The following PLCL1 variants were observed in gnomAD, a reference collection of about 807,000 sequenced individuals.
The protein encoded by PLCL1 is phospholipase C like 1 (inactive).
Under a neutral mutation model 84.4 loss-of-function variants are expected in PLCL1, and 41 were observed. That is an observed-to-expected ratio of 0.49 (90% confidence interval 0.38 to 0.63). The LOEUF (loss-of-function observed/expected upper bound fraction) is 0.63, where lower values mean the gene tolerates loss of function less well. PLCL1 is among the 30% of genes least tolerant of loss of function. The pLI, the probability that PLCL1 is intolerant of heterozygous loss-of-function variation, is 0.00. For synonymous variants in PLCL1, 490 were observed against 488.3 expected, an observed-to-expected ratio of 1.00 and a Z score of -0.05; for missense variants, 1,206 against 1,367.8, an observed-to-expected ratio of 0.88 and a Z score of 1.87.
At chr2:197,970,800 G>C (rs1480771426) in intron 1 of PLCL1, among the ~76,000 whole-genome samples, 1 of 152,174 alleles carries the variant, frequency 6.6e-6, no homozygotes, top group African/African-American at 2.4e-5. Context: ...CAACATTAAT[G>C]TAGGTTTAAT....
rs923772864 is a variant in PLCL1, at chr2:197,805,613, A to G, written c.240+274A>G. 2.0e-5 allele frequency among the ~76,000 whole-genome samples: 3 copies of G among 152,168 alleles called. No individual in the cohort carries two copies. Among genetic ancestry groups the G allele is most frequent in the Non-Finnish European group, 4.4e-5 (3 of 68,018 alleles). ...GGATGCTTTCCCTCATTTTCTCTGC[A>G]AGCTTCACTAAACCGTTGATGGAGG... On this transcript the variant is annotated intron_variant, in intron 1 of 5. Transcript: ENST00000428675. The surrounding 1 kb of genome is among the most constrained non-coding windows in gnomAD (Gnocchi z 4.0).
chr2:197,883,984 C>G (rs1040038307), intron 1 of PLCL1, among the ~76,000 whole-genome samples: 1 of 152,142 alleles, frequency 6.6e-6, no homozygotes, highest in Non-Finnish European at 1.5e-5. Flanking sequence ...TAGTTCAAAT[C>G]TTGTCTCTAT....
intron 1 of PLCL1, among the ~76,000 whole-genome samples, chr2:198,059,844 A>G (rs1574281172): frequency 6.6e-6 from 1 of 152,312 alleles, no homozygotes; most frequent in East Asian, 1.9e-4. Context: ...TTTTTGTTGC[A>G]GGAATTCCGT....
chr2:198,032,042 T>C (rs1992313), intron 1 of PLCL1, among the ~76,000 whole-genome samples: 30,236 of 152,078 alleles, frequency 0.2, 3,080 homozygotes, highest in East Asian at 0.26. Context: ...TCTGCATGTA[T>C]ATCTAGATAA....
chr2:198,103,838 C>A lies in PLCL1; in HGVS notation c.3007C>A (p.His1003Asn). 1 of 1,587,650 alleles carries A rather than the reference C, an allele frequency of 6.3e-7. No homozygotes were observed. The highest frequency in any genetic ancestry group is 8.6e-7 in the Non-Finnish European group (1 of 1,161,286). Residue 1003 changes from histidine to asparagine, a missense_variant, in exon 5 of 6, where the codon CAT (histidine) becomes AAT (asparagine). His to Asn is a moderately conservative substitution (Grantham distance 68, BLOSUM62 1). Transcript: ENST00000428675. ...VQCQKAGMEF[H>N]EELHNLGAKE... ...TTCTTTCTTCAAAGGGATGGAGTTC[C>A]ATGAAGAACTTCATAATTTGGGGGC...
chr2:198,068,285 G>T (rs980706986), intron 1 of PLCL1, among the ~76,000 whole-genome samples: 1 of 152,004 alleles, frequency 6.6e-6, no homozygotes, highest in Non-Finnish European at 1.5e-5. Context: ...TGACTTTAAC[G>T]TTCTTTTTGC....
chr2:197,911,700 T>C (rs1305390761), intron 1 of PLCL1, among the ~76,000 whole-genome samples: 1 of 152,204 alleles, frequency 6.6e-6, no homozygotes, highest in Non-Finnish European at 1.5e-5. Context: ...CCTAATACCC[T>C]GAGTCTGGCA....
intron 1 of PLCL1, among the ~76,000 whole-genome samples, chr2:197,909,984 G>A (rs1688453270): frequency 6.6e-6 from 1 of 152,140 alleles, no homozygotes; most frequent in South Asian, 2.1e-4. Context: ...GGCAGACTTT[G>A]TTTGAATCTT....
At chr2:197,963,421 A>T (rs1481802042) in intron 1 of PLCL1, among the ~76,000 whole-genome samples, 2 of 151,902 alleles carry the variant, frequency 1.3e-5, no homozygotes, top group Admixed American at 6.6e-5. Context: ...TTGCCCATTT[A>T]AAAGTCAGAT....
chr2:197,836,758 T>C (rs1691200392), intron 1 of PLCL1, among the ~76,000 whole-genome samples: 1 of 152,242 alleles, frequency 6.6e-6, no homozygotes, highest in Admixed American at 6.5e-5. Context: ...GGGTTCTCTG[T>C]TGCTCAGGCT....
At chr2:197,962,770 C>G (rs1689650239) in intron 1 of PLCL1, among the ~76,000 whole-genome samples, 1 of 151,988 alleles carries the variant, frequency 6.6e-6, no homozygotes, top group Non-Finnish European at 1.5e-5. Flanking sequence ...TAGTAATTAT[C>G]TTTCTACTAT....
rs573419587 is a variant in PLCL1, at chr2:198,118,778, C to T, written c.3105+14842C>T. On this transcript the variant is annotated intron_variant, in intron 5 of 5. Transcript: ENST00000428675. The stretch of plus-strand genomic sequence containing the variant: ...CCACTGAATGCATGTGAGTAGTGTC[C>T]TCTGGATTTGTCATGTAGTTACCAT... Among the ~76,000 whole-genome samples the T allele has an allele frequency of 3.9e-4, 59 of 152,088 alleles. No homozygotes were observed. The South Asian group carries it at 0.012, about 31-fold the overall frequency.
rs114953096 is a variant in PLCL1 at position 197,938,786 on chromosome 2, G to T, written c.240+133447G>T. ...CAGAAGCCACTAGATCTCTTTTATGGGGAAAGAAAGATAATGCATAGCTGT... is the reference window on the plus strand; with the variant it reads ...CAGAAGCCACTAGATCTCTTTTATGTGGAAAGAAAGATAATGCATAGCTGT... On this transcript the variant is annotated intron_variant, in intron 1 of 5. Transcript: ENST00000428675. 3.3e-3 allele frequency among the ~76,000 whole-genome samples: 508 copies of T among 152,208 alleles called. 2 individuals are homozygous for T. Among genetic ancestry groups the T allele is most frequent in the African/African-American group, 0.012 (494 of 41,534 alleles).
In PLCL1 at chr2:198,085,819, A is replaced by T. The variant is rs1435719497; in HGVS notation, c.2302A>T (p.Thr768Ser). ...PADCSEQRTK[T>S]VQQNSDNPIF... ...GGATTGTTCGGAACAAAGAACTAAA[A>T]CTGTACAGCAAAACAGTGATAATCC... Residue 768 changes from threonine (T) to serine (S), a missense_variant, in exon 2 of 6, where the codon ACT (threonine) becomes TCT (serine). Physicochemically the swap from Thr to Ser is moderately conservative, Grantham distance 58. Transcript: ENST00000428675. The surrounding 1 kb of genome is among the most constrained non-coding windows in gnomAD (Gnocchi z 5.3). The T allele has an allele frequency of 1.2e-6, 2 of 1,614,040 alleles. No homozygotes were observed. The highest frequency in any genetic ancestry group is 1.7e-6 in the Non-Finnish European group (2 of 1,180,006).
At chr2:197,822,865 A>G (rs1392157455) in intron 1 of PLCL1, among the ~76,000 whole-genome samples, 1 of 152,150 alleles carries the variant, frequency 6.6e-6, no homozygotes, top group East Asian at 1.9e-4. Flanking sequence ...TACATATTCC[A>G]TTGACCACAG....
At chr2:197,923,025 G>C (rs536519285) in intron 1 of PLCL1, among the ~76,000 whole-genome samples, 1 of 115,700 alleles carries the variant, frequency 8.6e-6, no homozygotes, top group Non-Finnish European at 1.9e-5. Context: ...CAGTAGGGGC[G>C]GCCGGGCAGA....
At chr2:198,035,877 A>G (rs756816183) in intron 1 of PLCL1, among the ~76,000 whole-genome samples, 3 of 152,166 alleles carry the variant, frequency 2.0e-5, no homozygotes, top group Non-Finnish European at 4.4e-5. Context: ...TCTACTAAAA[A>G]TACAAAAAAA....
chr2:198,104,301 C>T (rs1261335068), intron 5 of PLCL1, among the ~76,000 whole-genome samples: 1 of 151,916 alleles, frequency 6.6e-6, no homozygotes, highest in East Asian at 1.9e-4. Context: ...ATTTGGTTTT[C>T]TGTTTCTGCA....
intron 5 of PLCL1, among the ~76,000 whole-genome samples, chr2:198,137,874 C>T (rs1003859361): frequency 6.6e-6 from 1 of 152,124 alleles, no homozygotes; most frequent in Non-Finnish European, 1.5e-5. Context: ...TGTCTGTGCT[C>T]ACTTTTGTAA....
Sources: gnomAD v4.1 joint callset for allele counts (sites outside exome capture counted in the v4.1 genomes callset) on GRCh38, gnomAD v4.1.1 for gene constraint, Gnocchi (gnomAD v3.1) non-coding constraint, MANE v1.5 for transcripts, NCBI Gene and HGNC (gene_info 2026-07-23, HGNC 2026-07-21) for gene names.